The following RTN1 variants were observed in gnomAD, a reference collection of about 807,000 sequenced individuals.
The protein encoded by RTN1 is reticulon 1.
Under a neutral mutation model 65.5 loss-of-function variants are expected in RTN1, and 25 were observed. The observed-to-expected ratio is 0.38, with a 90% CI of 0.28 to 0.53. RTN1 has a LOEUF of 0.53. Ranked by LOEUF, RTN1 falls within the 20% of genes least tolerant of loss-of-function variation. The pLI is 0.79. For missense variants in RTN1, 983 were observed against 1,025.4 expected (o/e 0.96, Z 0.57); for synonymous variants, 471 against 447.6 (o/e 1.05, Z -0.66).
chr14:59,606,630 T>C (rs1000020971), intron 4 of RTN1, among the ~76,000 whole-genome samples: 1 of 152,230 alleles, frequency 6.6e-6, no homozygotes, highest in African/African-American at 2.4e-5. Flanking sequence ...ACTCTGTCTA[T>C]GGTATTTTGT....
intron 1 of RTN1, among the ~76,000 whole-genome samples, chr14:59,792,624 T>C (rs972159634): frequency 5.3e-5 from 8 of 152,140 alleles, no homozygotes; most frequent in African/African-American, 1.9e-4. Context: ...AATCGTCCAT[T>C]TCTCACTTTT....
intron 3 of RTN1, among the ~76,000 whole-genome samples, chr14:59,645,879 A>C (rs1369637393): frequency 6.6e-6 from 1 of 152,192 alleles, no homozygotes; most frequent in Non-Finnish European, 1.5e-5. Context: ...AAGAACCAAC[A>C]CAAGAACTCT....
chr14:59,749,308 CTATATATATATCTA>C lies in RTN1; in HGVS notation c.242-2841_242-2828del, dbSNP rs1566711448. On this transcript the variant is annotated intron_variant, in intron 1 of 8. Transcript: ENST00000267484. Reference sequence around the variant, plus strand: ...TATATCTATATATATCTATATATATCTATATATATATCTATATATCTATATATATCTATATATAT... The same window carrying C: ...TATATCTATATATATCTATATATATCTATATCTATATATATCTATATATAT... 3.4e-4 allele frequency among the ~76,000 whole-genome samples: 5 copies of C among 14,888 alleles called. 1 individual carries two copies. Among genetic ancestry groups the C allele is most frequent in the East Asian group, 2.2e-3 (2 of 902 alleles). The allele number at this position is 14,888 out of a possible 152,430, so 9.8% of individuals were successfully genotyped here.
chr14:59,749,737 ATATATATCTATATGTATATT>A (rs1341244281), intron 1 of RTN1, among the ~76,000 whole-genome samples: 11 of 96,778 alleles, frequency 1.1e-4, no homozygotes, highest in South Asian at 2.5e-4. Flanking sequence ...ATATATTTAT[ATATATATCTATATGTATATT>A]TATATATCTA....
At chr14:59,833,923 C>T (rs868213869) in intron 1 of RTN1, among the ~76,000 whole-genome samples, 2 of 152,130 alleles carry the variant, frequency 1.3e-5, no homozygotes, top group Non-Finnish European at 2.9e-5. Context: ...AAAATCATTT[C>T]CTTAAGAAAA....
chr14:59,810,658 A>G (rs1020828373), intron 1 of RTN1, among the ~76,000 whole-genome samples: 2 of 152,220 alleles, frequency 1.3e-5, no homozygotes, highest in Non-Finnish European at 2.9e-5. Flanking sequence ...CTTAGGGTGT[A>G]TGGGAATATT....
intron 1 of RTN1, among the ~76,000 whole-genome samples, chr14:59,842,906 C>T (rs1265199416): frequency 1.3e-5 from 2 of 152,096 alleles, no homozygotes; most frequent in Non-Finnish European, 1.5e-5. Flanking sequence ...ATGGTATAGG[C>T]ACTTTGGAAA....
chr14:59,820,361 T>TG (rs1886920279), intron 1 of RTN1, among the ~76,000 whole-genome samples: 1 of 106,430 alleles, frequency 9.4e-6, no homozygotes, highest in Non-Finnish European at 1.9e-5. Context: ...TGATAGTTTT[T>TG]TTTTTTTTTT....
At chr14:59,610,645 G>T (rs1881918908) in intron 3 of RTN1, among the ~76,000 whole-genome samples, 2 of 152,202 alleles carry the variant, frequency 1.3e-5, no homozygotes, top group African/African-American at 2.4e-5. Flanking sequence ...AACTTTAGGA[G>T]AAATTTAGTT....
At chr14:59,746,523 C>T (rs766442826) in intron 1 of RTN1, 42 bp from the exon 2 acceptor site, 9 of 1,507,868 alleles carry the variant, frequency 6.0e-6, no homozygotes, top group South Asian at 1.3e-5. Flanking sequence ...GGGTGCTTGG[C>T]GTCAGCTCTC....
At chr14:59,800,734 A>G (rs571378769) in intron 1 of RTN1, among the ~76,000 whole-genome samples, 1 of 152,308 alleles carries the variant, frequency 6.6e-6, no homozygotes, top group East Asian at 1.9e-4. Context: ...TTAAACAGAG[A>G]ACATTGTCAA....
chr14:59,716,668 T>C (rs527635002), intron 3 of RTN1, among the ~76,000 whole-genome samples: 1 of 152,090 alleles, frequency 6.6e-6, no homozygotes, highest in South Asian at 2.1e-4. Context: ...CAAATTGTGG[T>C]GGTGTGAGTG....
intron 3 of RTN1, among the ~76,000 whole-genome samples, chr14:59,706,677 G>T (rs1884300853): frequency 1.3e-5 from 2 of 152,206 alleles, no homozygotes. Flanking sequence ...GGTTGTTCAT[G>T]ATTCTAATTA....
At chr14:59,755,498 G>C (rs1385786901) in intron 1 of RTN1, among the ~76,000 whole-genome samples, 1 of 152,142 alleles carries the variant, frequency 6.6e-6, no homozygotes, top group Non-Finnish European at 1.5e-5. Context: ...CTGCCCTGAG[G>C]CTGCCCATGT....
intron 2 of RTN1, among the ~76,000 whole-genome samples, chr14:59,733,088 T>TTC (rs1180436206): frequency 6.7e-6 from 1 of 150,208 alleles, no homozygotes; most frequent in African/African-American, 2.5e-5. Context: ...GCTTTTTTTT[T>TTC]TTTTCTTTCT....
At chr14:59,753,999 G>A (rs1566715466) in intron 1 of RTN1, among the ~76,000 whole-genome samples, 1 of 152,166 alleles carries the variant, frequency 6.6e-6, no homozygotes, top group Non-Finnish European at 1.5e-5. Context: ...CTCTTGGGAG[G>A]TGGCTGTTCT....
Position 59,870,582 on chromosome 14 carries a change from G to A in RTN1, c.49C>T (p.Pro17Ser), listed in dbSNP as rs542876176. ...PQDELLPLAG[P>S]GSQWLRHRGE... ...CGGTGCCTGAGCCACTGGGACCCGGGGCCGGCCAGCGGCAGCAGCTCGTCC... is the reference window on the plus strand; with the variant it reads ...CGGTGCCTGAGCCACTGGGACCCGGAGCCGGCCAGCGGCAGCAGCTCGTCC... Residue 17 changes from proline (P) to serine (S), a missense_variant, in exon 1 of 9, where the codon CCC (proline) becomes TCC (serine). By Grantham distance (74) the Pro-to-Ser change is moderately conservative (BLOSUM62 -1). Coordinates refer to ENST00000267484, the MANE Select transcript of RTN1 (RefSeq NM_021136.3). The surrounding 1 kb of genome is among the most constrained non-coding windows in gnomAD (Gnocchi z 5.1). 1.6e-4 allele frequency: 225 copies of A among 1,449,136 alleles called. No individual in the cohort carries two copies. Among genetic ancestry groups the A allele is most frequent in the Non-Finnish European group, 2.0e-4 (219 of 1,105,728 alleles). The allele number at this position is 1,449,136 out of a possible 1,614,324, so 89.8% of individuals were successfully genotyped here.
At chr14:59,748,670 GCAT>G (rs1885281396) in intron 1 of RTN1, among the ~76,000 whole-genome samples, 1 of 152,066 alleles carries the variant, frequency 6.6e-6, no homozygotes, top group South Asian at 2.1e-4. Flanking sequence ...CACACACACA[GCAT>G]GGTAAGCTCC....
At chr14:59,654,722 GA>G (rs1883088709) in intron 3 of RTN1, among the ~76,000 whole-genome samples, 1 of 151,756 alleles carries the variant, frequency 6.6e-6, no homozygotes, top group Non-Finnish European at 1.5e-5. Flanking sequence ...TCTCAATGCA[GA>G]AAAAAAATTG....
Sources: allele counts gnomAD v4.1 joint callset (sites outside exome capture counted in the v4.1 genomes callset), GRCh38; gene constraint gnomAD v4.1.1; non-coding constraint Gnocchi (gnomAD v3.1); transcripts MANE v1.5; gene names NCBI Gene and HGNC (gene_info 2026-07-23, HGNC 2026-07-21).